The following GRIPAP1 variants were observed in gnomAD, a reference collection of about 807,000 sequenced individuals.
The protein encoded by GRIPAP1 is GRIP1 associated protein 1.
Under a neutral mutation model 84.1 loss-of-function variants are expected in GRIPAP1, and 14 were observed. The observed-to-expected ratio is 0.17, with a 90% CI of 0.11 to 0.26. The LOEUF is 0.26. Ranked by LOEUF, GRIPAP1 falls within the 10% of genes least tolerant of loss-of-function variation. The pLI is 1.00. For missense variants in GRIPAP1, 518 were observed against 674.2 expected (o/e 0.77, Z 2.57); for synonymous variants, 261 against 256.8 (o/e 1.02, Z -0.15).
intron 21 of GRIPAP1, chrX:48,980,957 AAGAG>A (rs1398745345): frequency 2.0e-5 from 8 of 399,839 alleles, no homozygotes; most frequent in Non-Finnish European, 2.6e-5. Flanking sequence ...ACATAGAGGA[AAGAG>A]AGAGAACAAA....
chrX:48,974,367 C>A, intron 25 of GRIPAP1, 82 bp from the exon 26 acceptor site: 1 of 575,133 alleles, frequency 1.7e-6, no homozygotes, highest in Non-Finnish European at 2.9e-6. Context: ...TCTGTGATTT[C>A]CCTCACACCC....
intron 25 of GRIPAP1, 46 bp downstream of exon 25, chrX:48,975,109 C>T (rs782732565): frequency 3.7e-5 from 43 of 1,167,492 alleles, no homozygotes; most frequent in East Asian, 1.8e-4. Flanking sequence ...GCTGGGTAGG[C>T]AGGTGGCTGG....
intron 18 of GRIPAP1, 48 bp from the exon 19 acceptor site, chrX:48,981,739 C>T (rs3027476): frequency 0.12 from 137,073 of 1,161,006 alleles, 6,423 homozygotes; most frequent in Non-Finnish European, 0.13. Flanking sequence ...AGCCTCTGTC[C>T]TCCCAGGAGG....
chrX:48,991,126 G>C lies in GRIPAP1; in HGVS notation c.458-16C>G. Reference sequence around the variant, plus strand: ...TCCTGCAGGGCTGGTGAGTAGAACAGGGATATATGATGGATGAGGTGGTCT... The same window carrying C: ...TCCTGCAGGGCTGGTGAGTAGAACACGGATATATGATGGATGAGGTGGTCT... On this transcript the variant is annotated splice_polypyrimidine_tract_variant and intron_variant, in intron 6 of 25. Coordinates refer to ENST00000376423, the MANE Select transcript of GRIPAP1 (RefSeq NM_020137.5). 1 of 1,134,972 alleles carries C rather than the reference G, an allele frequency of 8.8e-7. No homozygotes were observed. The highest frequency in any genetic ancestry group is 1.8e-5 in the African/African-American group (1 of 56,885). 93.5% of individuals were successfully genotyped at this position (1,134,972 alleles called of 1,213,427 possible).
chrX:48,978,455 G>A lies in GRIPAP1; in HGVS notation c.1931-20C>T, dbSNP rs782435364. On this transcript the variant is annotated intron_variant, in intron 21 of 25. Transcript: ENST00000376423. Reference sequence around the variant, plus strand: ...CAAGGCCTGGGTGGTGGAGGGAAGAGAAACTTGAGCCCCAATACCCCTGAG... The same window carrying A: ...CAAGGCCTGGGTGGTGGAGGGAAGAAAAACTTGAGCCCCAATACCCCTGAG... The A allele has an allele frequency of 8.5e-7, 1 of 1,178,571 alleles. No individual in the cohort carries two copies. Among genetic ancestry groups the A allele is most frequent in the East Asian group, 3.0e-5 (1 of 32,873 alleles).
intron 17 of GRIPAP1, among the ~76,000 whole-genome samples, chrX:48,982,750 T>C (rs1038507214): frequency 1.8e-5 from 2 of 112,589 alleles, no homozygotes; most frequent in Non-Finnish European, 3.8e-5. Context: ...AAGAGGTGCC[T>C]TTCCAAATTT....
At chrX:48,986,257 A>AG (rs1410959624) in intron 13 of GRIPAP1, among the ~76,000 whole-genome samples, 2 of 106,329 alleles carry the variant, frequency 1.9e-5, no homozygotes, top group Non-Finnish European at 3.9e-5. Context: ...AAAAAAAAAA[A>AG]GCAGAGATAG....
At chrX:48,996,136 T>A (rs2064545840) in intron 5 of GRIPAP1, among the ~76,000 whole-genome samples, 1 of 111,991 alleles carries the variant, frequency 8.9e-6, no homozygotes, top group South Asian at 3.7e-4. Flanking sequence ...TCCTCAAGGT[T>A]ACAGTTAGTA....
Position 48,975,771 on chromosome X carries a change from G to A in GRIPAP1, c.2278+247C>T, listed in dbSNP as rs186489566. 48 of 401,157 alleles carry A rather than the reference G, an allele frequency of 1.2e-4. No homozygotes were observed. In the East Asian group the frequency reaches 2.0e-3, roughly 16 times the overall value. The allele number at this position is 401,157 out of a possible 1,213,427, so 33.1% of individuals were successfully genotyped here. A position where few individuals can be genotyped will look rare whatever the true frequency, so the allele number is the denominator to read the frequency against. On this transcript the variant is annotated intron_variant, in intron 24 of 25. Transcript: ENST00000376423. ...GAGAGGAAGATGAGGCACAGGGAGA[G>A]GAAAGGAGAAAGTGGACAGAGAGAC...
At chrX:48,997,852 C>A (rs1266341159) in intron 4 of GRIPAP1, 4 of 349,477 alleles carry the variant, frequency 1.1e-5, no homozygotes, top group Non-Finnish European at 2.0e-5. Context: ...GAGACAGGAA[C>A]AGGAGGGGGA....
intron 21 of GRIPAP1, chrX:48,980,831 C>T (rs2064451938): frequency 5.9e-6 from 1 of 169,013 alleles, no homozygotes; most frequent in Non-Finnish European, 1.1e-5. Context: ...TGCGGTGAGC[C>T]GAGATCACAC....
Position 48,979,342 on chromosome X carries a change from T to A in GRIPAP1, c.1931-907A>T, listed in dbSNP as rs1451233190. 5.7e-5 allele frequency among the ~76,000 whole-genome samples: 6 copies of A among 104,941 alleles called. No individual in the cohort carries two copies. In the Admixed American group the frequency reaches 6.1e-4, roughly 11 times the overall value. 91.1% of individuals were successfully genotyped at this position (104,941 alleles called of 115,157 possible). A position where few individuals can be genotyped will look rare whatever the true frequency, so the allele number is the denominator to read the frequency against. On this transcript the variant is annotated intron_variant, in intron 21 of 25. Coordinates refer to ENST00000376423, the MANE Select transcript of GRIPAP1 (RefSeq NM_020137.5). ...AATACAAAAAATTAGGTGGGCGTGG[T>A]GGCGGGTGCCTGTAGTCCCAGCTAC...
chrX:48,988,529 A>G (rs1363264827), intron 11 of GRIPAP1: 3 of 244,918 alleles, frequency 1.2e-5, no homozygotes, highest in Non-Finnish European at 1.5e-5. Flanking sequence ...CAGGATTCTC[A>G]GACACAGTCA....
chrX:48,983,522 C>CTCCT (rs1245484606), intron 15 of GRIPAP1, 82 bp from the exon 16 acceptor site: 2 of 806,580 alleles, frequency 2.5e-6, no homozygotes, highest in African/African-American at 4.1e-5. Flanking sequence ...GCCCAAGGAA[C>CTCCT]TAGCCAAACT....
Position 48,983,453 on chromosome X carries a change from A to T in GRIPAP1, c.1273-13T>A, listed in dbSNP as rs2064469358. 8.4e-7 allele frequency: 1 copy of T among 1,188,095 alleles called. No homozygotes were observed. The highest frequency in any genetic ancestry group is 1.7e-5 in the African/African-American group (1 of 57,381). On this transcript the variant is annotated splice_polypyrimidine_tract_variant and intron_variant, in intron 15 of 25. Coordinates refer to ENST00000376423, the MANE Select transcript of GRIPAP1 (RefSeq NM_020137.5). ...GCTTCTCCGCACTCTGGGGGCCAGG[A>T]CGATGGCAGTCAACTTCCTTCCACA...
rs2051478290 is a variant in GRIPAP1, at chrX:48,983,445, G to A, written c.1273-5C>T. 8.3e-7 allele frequency: 1 copy of A among 1,198,156 alleles called. No homozygotes were observed. The highest frequency in any genetic ancestry group is 1.8e-5 in the African/African-American group (1 of 56,916). ...GGCCTTCCGCTTCTCCGCACTCTGG[G>A]GGCCAGGACGATGGCAGTCAACTTC... On this transcript the variant is annotated splice_region_variant and splice_polypyrimidine_tract_variant and intron_variant, in intron 15 of 25. Coordinates refer to ENST00000376423, the MANE Select transcript of GRIPAP1 (RefSeq NM_020137.5).
At chrX:48,995,435 G>C (rs1250551799) in intron 5 of GRIPAP1, among the ~76,000 whole-genome samples, 1 of 111,259 alleles carries the variant, frequency 9.0e-6, no homozygotes, top group Non-Finnish European at 1.9e-5. Flanking sequence ...AATGTATTAA[G>C]TAAAGGAGTG....
intron 13 of GRIPAP1, among the ~76,000 whole-genome samples, chrX:48,986,038 C>T (rs1478530136): frequency 1.8e-5 from 2 of 108,884 alleles, no homozygotes; most frequent in Non-Finnish European, 3.8e-5. Flanking sequence ...GTCAGGAGTT[C>T]GAGACCAGCC....
chrX:48,994,772 C>T (rs2064538759), intron 5 of GRIPAP1, among the ~76,000 whole-genome samples: 1 of 111,879 alleles, frequency 8.9e-6, no homozygotes. Context: ...TCTGCTCTGC[C>T]ATTTACTAGC....
Sources: gnomAD v4.1 joint callset for allele counts (sites outside exome capture counted in the v4.1 genomes callset) on GRCh38, gnomAD v4.1.1 for gene constraint, MANE v1.5 for transcripts, NCBI Gene and HGNC (gene_info 2026-07-23, HGNC 2026-07-21) for gene names.